The following ATRNL1 variants were observed in gnomAD, a reference collection of about 807,000 sequenced individuals.
ATRNL1 encodes attractin like 1.
A neutral mutation model predicts 182.7 loss-of-function variants in ATRNL1; 95 were observed. The observed-to-expected ratio is 0.52, with a 90% CI of 0.44 to 0.62. The LOEUF (loss-of-function observed/expected upper bound fraction) is 0.62. ATRNL1 is among the 20% of genes least tolerant of loss of function. ATRNL1 has a pLI of 0.00. For missense variants in ATRNL1, 1,471 were observed against 1,679.5 expected (o/e 0.88, Z 2.17); for synonymous variants, 576 against 568.3 (o/e 1.01, Z -0.19).
At chr10:115,846,542 A>G (rs991539630) in intron 27 of ATRNL1, among the ~76,000 whole-genome samples, 3 of 152,090 alleles carry the variant, frequency 2.0e-5, no homozygotes, top group South Asian at 2.1e-4. Context: ...TTATTCTTCT[A>G]TTTAATTTTG....
intron 15 of ATRNL1, among the ~76,000 whole-genome samples, chr10:115,286,936 T>G (rs1852645888): frequency 6.6e-6 from 1 of 152,020 alleles, no homozygotes; most frequent in Non-Finnish European, 1.5e-5. Context: ...GAGATGATTT[T>G]AAGTATATGG....
chr10:115,601,814 A>C (rs923151973), intron 26 of ATRNL1, among the ~76,000 whole-genome samples: 12 of 152,116 alleles, frequency 7.9e-5, no homozygotes, highest in African/African-American at 2.9e-4. Flanking sequence ...CCAGCACAGT[A>C]ATTTCTTCCT....
At position 115,549,460 on chromosome 10, in the gene ATRNL1, G is replaced by T; in HGVS notation, c.3719G>T (p.Cys1240Phe). 1 of 1,586,324 alleles carries T rather than the reference G, an allele frequency of 6.3e-7. No individual in the cohort carries two copies. The highest frequency in any genetic ancestry group is 8.6e-7 in the Non-Finnish European group (1 of 1,166,448). Residue 1240 changes from cysteine (C) to phenylalanine (F), a missense_variant and splice_region_variant, in exon 26 of 29, where the codon TGT (cysteine) becomes TTT (phenylalanine). Cys to Phe is a radical substitution (Grantham distance 205). Transcript: ENST00000355044. ...LVQFFVTFFS[C>F]FLSLLLVAAV... ...ATTATTTGTGTTTTATTTTCCAGTT[G>T]TTTCCTATCCTTATTGCTGGTGGCT...
chr10:115,683,905 CAAAT>C (rs1301080440), intron 26 of ATRNL1, among the ~76,000 whole-genome samples: 3 of 151,616 alleles, frequency 2.0e-5, no homozygotes, highest in Admixed American at 1.3e-4. Context: ...AGAGACATAG[CAAAT>C]AAATAAGCTC....
At chr10:115,451,803 G>A (rs1041511135) in intron 21 of ATRNL1, among the ~76,000 whole-genome samples, 7 of 151,932 alleles carry the variant, frequency 4.6e-5, no homozygotes, top group African/African-American at 1.2e-4. Context: ...ATAAAGACAC[G>A]TGCACACAAA....
intron 27 of ATRNL1, among the ~76,000 whole-genome samples, chr10:115,798,107 C>T (rs967421290): frequency 1.3e-5 from 2 of 151,970 alleles, no homozygotes; most frequent in Admixed American, 6.6e-5. Flanking sequence ...TTCGTAGAGA[C>T]GGGGTTTCAC....
At chr10:115,329,499 A>G (rs1319636706) in intron 18 of ATRNL1, among the ~76,000 whole-genome samples, 3 of 152,016 alleles carry the variant, frequency 2.0e-5, no homozygotes, top group East Asian at 1.9e-4. Flanking sequence ...CCCTACTACT[A>G]TTGTTTTGCT....
At chr10:115,143,377 C>T (rs1243262494) in intron 5 of ATRNL1, among the ~76,000 whole-genome samples, 1 of 151,742 alleles carries the variant, frequency 6.6e-6, no homozygotes, top group Non-Finnish European at 1.5e-5. Context: ...TCATTTTCAG[C>T]TGATCAGAAC....
At chr10:115,190,574 G>T (rs11815215) in intron 8 of ATRNL1, among the ~76,000 whole-genome samples, 2,252 of 151,846 alleles carry the variant, frequency 0.015, 45 homozygotes, top group African/African-American at 0.051. Context: ...TTTTATTTTT[G>T]ATTATTATGG....
chr10:115,852,854 C>T (rs1951089143), intron 28 of ATRNL1, among the ~76,000 whole-genome samples: 1 of 152,124 alleles, frequency 6.6e-6, no homozygotes, highest in Non-Finnish European at 1.5e-5. Flanking sequence ...CTGTGCATGC[C>T]GTGGCGCATC....
Position 115,880,217 on chromosome 10 carries a change from G to A in ATRNL1, c.4018+32226G>A, listed in dbSNP as rs775374554. On this transcript the variant is annotated intron_variant, in intron 28 of 28. Coordinates refer to ENST00000355044, the MANE Select transcript of ATRNL1 (RefSeq NM_207303.4). ...AGCTCTAACTGAAAAGCCTGCTGTC[G>A]CAAGGACCCAGAGATCTGAGACAGT... Among the ~76,000 whole-genome samples, 20 of 152,320 alleles carry A rather than the reference G, an allele frequency of 1.3e-4. 1 individual carries two copies. Among genetic ancestry groups the A allele is most frequent in the Middle Eastern group, 3.4e-3 (1 of 294 alleles).
In ATRNL1 at chr10:115,943,823, C is replaced by T. The variant is rs530309956; in HGVS notation, c.4019-835C>T. ...ATGCGTAAACAAACTATGGCACATC[C>T]GCACAATGGAATATAATTCAGCAAT... On this transcript the variant is annotated intron_variant, in intron 28 of 28. Transcript: ENST00000355044. 2.4e-4 allele frequency among the ~76,000 whole-genome samples: 36 copies of T among 152,010 alleles called. 2 individuals carry two copies. The South Asian group carries it at 7.3e-3, about 31-fold the overall frequency.
chr10:115,168,188 A>G (rs1847132035), intron 7 of ATRNL1, among the ~76,000 whole-genome samples: 1 of 152,166 alleles, frequency 6.6e-6, no homozygotes, highest in Non-Finnish European at 1.5e-5. Context: ...GCTAAATAAT[A>G]TTACATTTTA....
intron 26 of ATRNL1, among the ~76,000 whole-genome samples, chr10:115,600,691 A>G (rs1856543623): frequency 6.6e-6 from 1 of 152,062 alleles, no homozygotes. Context: ...CTTGCTTTGT[A>G]TATTTTTACT....
intron 26 of ATRNL1, among the ~76,000 whole-genome samples, chr10:115,656,431 A>G (rs148462683): frequency 1.3e-5 from 2 of 152,132 alleles, no homozygotes; most frequent in Non-Finnish European, 2.9e-5. Context: ...TTATTCCCAC[A>G]TCCAAAAGAT....
chr10:115,314,249 T>G (rs936964894), intron 17 of ATRNL1, among the ~76,000 whole-genome samples: 4 of 152,176 alleles, frequency 2.6e-5, no homozygotes, highest in Non-Finnish European at 5.9e-5. Flanking sequence ...TATGAAGGCA[T>G]GAGATCCTTA....
At chr10:115,667,983 G>A (rs1861099788) in intron 26 of ATRNL1, among the ~76,000 whole-genome samples, 1 of 151,916 alleles carries the variant, frequency 6.6e-6, no homozygotes. Flanking sequence ...CATTTTATCA[G>A]CCAAAGCAAG....
chr10:115,264,508 AATG>A (rs1851523949), intron 10 of ATRNL1, among the ~76,000 whole-genome samples: 2 of 151,604 alleles, frequency 1.3e-5, no homozygotes, highest in South Asian at 4.1e-4. Context: ...CTAGTCACTG[AATG>A]ATGAATTATT....
At chr10:115,165,728 T>G in intron 7 of ATRNL1, 83 bp downstream of exon 7, 4 of 626,134 alleles carry the variant, frequency 6.4e-6, no homozygotes, top group Non-Finnish European at 2.6e-6. Flanking sequence ...ATCTCAGATT[T>G]ATTTCAAATA....
Sources: gnomAD v4.1 joint callset for allele counts (sites outside exome capture counted in the v4.1 genomes callset) on GRCh38, gnomAD v4.1.1 for gene constraint, MANE v1.5 for transcripts, NCBI Gene and HGNC (gene_info 2026-07-23, HGNC 2026-07-21) for gene names.